The following KCNH8 variants were observed in gnomAD, a reference collection of about 807,000 sequenced individuals.
The protein encoded by KCNH8 is potassium voltage-gated channel subfamily H member 8.
Under a neutral mutation model 103.6 loss-of-function variants are expected in KCNH8, and 70 were observed. That is an observed-to-expected ratio of 0.68 (90% CI 0.56 to 0.82). The LOEUF (loss-of-function observed/expected upper bound fraction) is 0.82. Among genes scored for constraint, KCNH8 ranks in the 40% least tolerant of loss-of-function variants. KCNH8 has a pLI of 0.00. For missense variants in KCNH8, 1,217 were observed against 1,329.9 expected, an observed-to-expected ratio of 0.92 and a Z score of 1.32; for synonymous variants, 498 against 489.4, an observed-to-expected ratio of 1.02 and a Z score of -0.23.
At chr3:19,304,623 T>C (rs1305040806) in intron 3 of KCNH8, among the ~76,000 whole-genome samples, 1 of 152,024 alleles carries the variant, frequency 6.6e-6, no homozygotes, top group African/African-American at 2.4e-5. Context: ...AGTTGAGGAA[T>C]CTTCCAGAAA....
chr3:19,202,878 G>T (rs1323876281), intron 1 of KCNH8, among the ~76,000 whole-genome samples: 3 of 152,046 alleles, frequency 2.0e-5, no homozygotes, highest in African/African-American at 7.2e-5. Context: ...AAAGTTTGTT[G>T]ACATTTACCA....
chr3:19,183,266 A>G (rs910498679), intron 1 of KCNH8, among the ~76,000 whole-genome samples: 2 of 152,202 alleles, frequency 1.3e-5, no homozygotes, highest in Non-Finnish European at 2.9e-5. Context: ...ATCATTGTCT[A>G]TGTAGAAAGC....
At position 19,459,279 on chromosome 3, in the gene KCNH8, T is replaced by A. The variant is rs185393173; in HGVS notation, c.2040+2297T>A. Among the ~76,000 whole-genome samples, 542 of 152,094 alleles carry A rather than the reference T, an allele frequency of 3.6e-3. 3 individuals are homozygous for A. The highest frequency in any genetic ancestry group is 0.012 in the African/African-American group (512 of 41,546). ...AAAATTTCTTTGTTGTTGTTTTTTT[T>A]AAAATAGCCCTTCTAATAGGTGTGG... On this transcript the variant is annotated intron_variant, in intron 11 of 15. Coordinates refer to ENST00000328405, the MANE Select transcript of KCNH8 (RefSeq NM_144633.3).
At chr3:19,266,147 C>T (rs1559450345) in intron 2 of KCNH8, among the ~76,000 whole-genome samples, 1 of 152,006 alleles carries the variant, frequency 6.6e-6, no homozygotes, top group East Asian at 1.9e-4. Flanking sequence ...CGTTGCCTTT[C>T]AGGATAAATA....
Position 19,316,439 on chromosome 3 carries a change from C to T in KCNH8, c.443-26148C>T, listed in dbSNP as rs140277167. 5.6e-3 allele frequency among the ~76,000 whole-genome samples: 854 copies of T among 152,002 alleles called. 22 individuals are homozygous for T. The highest frequency in any genetic ancestry group is 2.6e-3 in the Non-Finnish European group (180 of 67,928). On this transcript the variant is annotated intron_variant, in intron 3 of 15. Transcript: ENST00000328405. ...AACATACAAGATTAAGGAATAGAAG[C>T]AGGATCTTATTAATAATACAAGTCT... is the stretch of plus-strand genomic sequence containing the variant.
chr3:19,484,023 G>T (rs1380649238), intron 11 of KCNH8, among the ~76,000 whole-genome samples: 1 of 152,002 alleles, frequency 6.6e-6, no homozygotes, highest in Admixed American at 6.6e-5. Flanking sequence ...TTAATTAAGA[G>T]AGTCACATTT....
At chr3:19,280,177 CT>C (rs1479550789) in intron 2 of KCNH8, among the ~76,000 whole-genome samples, 1 of 151,808 alleles carries the variant, frequency 6.6e-6, no homozygotes, top group Non-Finnish European at 1.5e-5. Flanking sequence ...AAAATATAAG[CT>C]TTAGGCAGTA....
At chr3:19,206,344 C>T (rs1290503561) in intron 1 of KCNH8, among the ~76,000 whole-genome samples, 1 of 149,520 alleles carries the variant, frequency 6.7e-6, no homozygotes, top group Non-Finnish European at 1.5e-5. Context: ...TTTGCATTTG[C>T]AAATTGTGCT....
intron 2 of KCNH8, among the ~76,000 whole-genome samples, chr3:19,266,338 A>C (rs758845032): frequency 6.6e-6 from 1 of 152,010 alleles, no homozygotes; most frequent in Non-Finnish European, 1.5e-5. Context: ...AAAATCTTCC[A>C]TATTCTAACT....
chr3:19,534,278 T>C lies in KCNH8; in HGVS notation c.*179T>C. 1.7e-6 allele frequency: 1 copy of C among 597,888 alleles called. No individual in the cohort carries two copies. The highest frequency in any genetic ancestry group is 3.0e-5 in the Admixed American group (1 of 33,422). 37.0% of individuals were successfully genotyped at this position (597,888 alleles called of 1,614,324 possible). ...CATGCTGTAGCAAACAATTTCTAGA[T>C]ACTAGAAGCATAATAGAAACATTTT... is the stretch of plus-strand genomic sequence containing the variant. On this transcript the variant is annotated 3_prime_UTR_variant, in exon 16 of 16. Coordinates refer to ENST00000328405, the MANE Select transcript of KCNH8 (RefSeq NM_144633.3).
At chr3:19,366,614 G>A (rs182806854) in intron 5 of KCNH8, among the ~76,000 whole-genome samples, 68 of 151,964 alleles carry the variant, frequency 4.5e-4, no homozygotes, top group African/African-American at 1.6e-3. Flanking sequence ...TACCAAACGA[G>A]TTCTGCTATG....
intron 7 of KCNH8, among the ~76,000 whole-genome samples, chr3:19,400,767 G>A (rs906007117): frequency 4.2e-4 from 64 of 151,696 alleles, no homozygotes; most frequent in African/African-American, 1.5e-3. Context: ...TGATTTGAAC[G>A]GCTCTCTAGT....
intron 5 of KCNH8, among the ~76,000 whole-genome samples, chr3:19,367,396 A>C (rs112475255): frequency 0.033 from 4,840 of 146,594 alleles, 229 homozygotes; most frequent in African/African-American, 0.094. Flanking sequence ...CTCTCTCTCT[A>C]TATATATATT....
intron 3 of KCNH8, among the ~76,000 whole-genome samples, chr3:19,294,681 C>T (rs1459769262): frequency 6.6e-6 from 1 of 152,104 alleles, no homozygotes; most frequent in Non-Finnish European, 1.5e-5. Context: ...ATGTCTTTTT[C>T]TCCCAAAACC....
At chr3:19,363,112 A>AGCGGAG (rs1320956946) in intron 5 of KCNH8, among the ~76,000 whole-genome samples, 5 of 152,250 alleles carry the variant, frequency 3.3e-5, no homozygotes, top group African/African-American at 1.2e-4. Context: ...TACTTAAAGG[A>AGCGGAG]GCGGAGGCTT....
At chr3:19,495,772 C>T (rs1186181246) in intron 11 of KCNH8, among the ~76,000 whole-genome samples, 3 of 151,656 alleles carry the variant, frequency 2.0e-5, no homozygotes, top group African/African-American at 4.8e-5. Context: ...GGCATAGCAT[C>T]TGTAAATTAC....
intron 3 of KCNH8, among the ~76,000 whole-genome samples, chr3:19,290,924 TG>T (rs1291055155): frequency 6.6e-6 from 1 of 152,218 alleles, no homozygotes; most frequent in East Asian, 1.9e-4. Context: ...TTTCAGCGCC[TG>T]TTATTGGTCT....
At chr3:19,420,375 A>G (rs2066932775) in intron 7 of KCNH8, among the ~76,000 whole-genome samples, 1 of 152,212 alleles carries the variant, frequency 6.6e-6, no homozygotes, top group Admixed American at 6.5e-5. Flanking sequence ...GTCAGGGATT[A>G]AAGGCTTATT....
At chr3:19,194,666 C>G (rs1036984906) in intron 1 of KCNH8, among the ~76,000 whole-genome samples, 1 of 151,820 alleles carries the variant, frequency 6.6e-6, no homozygotes, top group Non-Finnish European at 1.5e-5. Context: ...TTGAAAACTA[C>G]TTATTGGGTA....
Sources: gnomAD v4.1 joint callset for allele counts (sites outside exome capture counted in the v4.1 genomes callset) on GRCh38, gnomAD v4.1.1 for gene constraint, MANE v1.5 for transcripts, NCBI Gene and HGNC (gene_info 2026-07-23, HGNC 2026-07-21) for gene names.